Variants in ANO6 observed in about 807,000 individuals in gnomAD.
The protein encoded by ANO6 is anoctamin 6.
Under a neutral mutation model 117.5 loss-of-function variants are expected in ANO6, and 106 were observed. The ratio of observed to expected loss-of-function variants is 0.90; its 90% CI spans 0.77 to 1.06. ANO6 has a LOEUF of 1.06. Among genes scored for constraint, ANO6 ranks in the 50% least tolerant of loss-of-function variants. The pLI, the probability that ANO6 is intolerant of heterozygous loss-of-function variation, is 0.00. For missense variants in ANO6, 955 were observed against 1,121.1 expected (o/e 0.85, Z 2.12); for synonymous variants, 367 against 385.1 (o/e 0.95, Z 0.55).
chr12:45,244,405 G>GT (rs967700621), intron 1 of ANO6, among the ~76,000 whole-genome samples: 5 of 103,908 alleles, frequency 4.8e-5, no homozygotes, highest in East Asian at 4.2e-4. Context: ...TCTCTATTTG[G>GT]GGGGGGGGGG....
chr12:45,292,970 C>T, intron 1 of ANO6: 1 of 1,551,072 alleles, frequency 6.4e-7, no homozygotes, highest in Non-Finnish European at 8.7e-7. Flanking sequence ...GTTGCTGGAA[C>T]AGTGAGCAGT....
intron 1 of ANO6, among the ~76,000 whole-genome samples, chr12:45,228,625 T>C (rs999496123): frequency 1.3e-5 from 2 of 152,160 alleles, no homozygotes; most frequent in East Asian, 3.9e-4. Flanking sequence ...TACATGATTC[T>C]GTTCTTAGGA....
rs1318565595 is a variant in ANO6, at chr12:45,302,036, A to C, written c.93A>C (p.Thr31=). 2 of 1,613,970 alleles carry C rather than the reference A, an allele frequency of 1.2e-6. No individual in the cohort carries two copies. The highest frequency in any genetic ancestry group is 1.3e-5 in the African/African-American group (1 of 75,034). ...TAGTGTTGGAAAACCTTGGACAGAC[A>C]ATTGTCCCCGATTTGGGATCACTGG... ...GDIVLENLGQ[T]IVPDLGSLES... Residue 31 remains threonine, a synonymous_variant, in exon 2 of 20, where the codon ACA becomes ACC. Transcript: ENST00000320560.
chr12:45,240,851 T>G (rs1947731278), intron 1 of ANO6, among the ~76,000 whole-genome samples: 1 of 152,362 alleles, frequency 6.6e-6, no homozygotes, highest in South Asian at 2.1e-4. Context: ...TTGAAAATTC[T>G]TTTCTTTAAC....
intron 1 of ANO6, among the ~76,000 whole-genome samples, chr12:45,262,511 G>A (rs533242271): frequency 1.7e-4 from 25 of 151,346 alleles, no homozygotes; most frequent in African/African-American, 5.1e-4. Context: ...CGCAATCTCC[G>A]CCTCCTGGCT....
In ANO6 at chr12:45,216,281, C is replaced by G; in HGVS notation, c.-41C>G. On this transcript the variant is annotated 5_prime_UTR_variant, in exon 1 of 20. Coordinates refer to ENST00000320560, the MANE Select transcript of ANO6 (RefSeq NM_001025356.3). ...GCGCCGTTCTGGAACCCGGGAGCCCCCAACTTCGCGCCAAGTTCGGAGCCG... is the reference window on the plus strand; with the variant it reads ...GCGCCGTTCTGGAACCCGGGAGCCCGCAACTTCGCGCCAAGTTCGGAGCCG... 1 of 1,580,922 alleles carries G rather than the reference C, an allele frequency of 6.3e-7. No individual in the cohort carries two copies. The highest frequency in any genetic ancestry group is 8.6e-7 in the Non-Finnish European group (1 of 1,164,012).
chr12:45,336,318 C>A (rs937104538), intron 3 of ANO6, among the ~76,000 whole-genome samples: 2 of 151,938 alleles, frequency 1.3e-5, no homozygotes, highest in Non-Finnish European at 2.9e-5. Flanking sequence ...AGTATTATAA[C>A]TGATAGTATA....
intron 10 of ANO6, among the ~76,000 whole-genome samples, chr12:45,381,473 G>C (rs920155995): frequency 6.6e-6 from 1 of 152,190 alleles, no homozygotes; most frequent in Admixed American, 6.5e-5. Context: ...GGTCACCCCA[G>C]GGCTTGGTGC....
At chr12:45,258,121 G>A (rs969121867) in intron 1 of ANO6, among the ~76,000 whole-genome samples, 4 of 152,164 alleles carry the variant, frequency 2.6e-5, no homozygotes, top group African/African-American at 2.4e-5. Flanking sequence ...TTAATCAGTC[G>A]TGTGGTGTTG....
At chr12:45,345,350 T>G (rs1006568765) in intron 3 of ANO6, among the ~76,000 whole-genome samples, 1 of 152,178 alleles carries the variant, frequency 6.6e-6, no homozygotes, top group Non-Finnish European at 1.5e-5. Flanking sequence ...TTTATGGGAT[T>G]TTTTTTATGT....
intron 2 of ANO6, among the ~76,000 whole-genome samples, chr12:45,305,697 A>G (rs989404346): frequency 2.6e-5 from 4 of 152,164 alleles, no homozygotes; most frequent in African/African-American, 9.7e-5. Flanking sequence ...TAGAGACTTC[A>G]GAAATAGGCC....
intron 19 of ANO6, among the ~76,000 whole-genome samples, chr12:45,425,453 C>G (rs1943477551): frequency 6.6e-6 from 1 of 152,046 alleles, no homozygotes; most frequent in South Asian, 2.1e-4. Context: ...AAGGAAAATG[C>G]GGCACACCAA....
intron 1 of ANO6, among the ~76,000 whole-genome samples, chr12:45,277,484 CGAGT>C: frequency 6.6e-6 from 1 of 152,108 alleles, no homozygotes; most frequent in East Asian, 1.9e-4. Context: ...AGACCTCAGC[CGAGT>C]GAGGGATTCC....
chr12:45,260,854 C>G (rs1352161366), intron 1 of ANO6, among the ~76,000 whole-genome samples: 1 of 152,058 alleles, frequency 6.6e-6, no homozygotes, highest in African/African-American at 2.4e-5. Flanking sequence ...GTGGCGCCAT[C>G]TTGGCTCACC....
At chr12:45,365,107 TC>T (rs1941651131) in intron 8 of ANO6, among the ~76,000 whole-genome samples, 1 of 152,238 alleles carries the variant, frequency 6.6e-6, no homozygotes. Flanking sequence ...CCAGTAATTT[TC>T]GTTTCTCTGC....
intron 1 of ANO6, among the ~76,000 whole-genome samples, chr12:45,241,558 C>T (rs1273042731): frequency 2.0e-5 from 3 of 152,208 alleles, no homozygotes; most frequent in African/African-American, 7.2e-5. Flanking sequence ...TCTGTCAACT[C>T]GTCAAAGTCA....
At chr12:45,256,054 C>G (rs1237749677) in intron 1 of ANO6, among the ~76,000 whole-genome samples, 7 of 152,038 alleles carry the variant, frequency 4.6e-5, no homozygotes, top group African/African-American at 1.7e-4. Flanking sequence ...AAACTCCTGA[C>G]CTCAGGTGAT....
intron 17 of ANO6, among the ~76,000 whole-genome samples, chr12:45,420,206 G>A (rs1366568687): frequency 6.6e-6 from 1 of 152,104 alleles, no homozygotes; most frequent in Admixed American, 6.5e-5. Flanking sequence ...AGTGAACTTA[G>A]AGGTCATTAT....
intron 12 of ANO6, among the ~76,000 whole-genome samples, chr12:45,395,057 T>G (rs1301503886): frequency 6.6e-6 from 1 of 152,032 alleles, no homozygotes; most frequent in Non-Finnish European, 1.5e-5. Flanking sequence ...CAGGAGCTGG[T>G]TTTTTGAAAA....
Sources: allele counts gnomAD v4.1 joint callset (sites outside exome capture counted in the v4.1 genomes callset), GRCh38; gene constraint gnomAD v4.1.1; transcripts MANE v1.5; gene names NCBI Gene and HGNC (gene_info 2026-07-23, HGNC 2026-07-21).